The following FAM171A1 variants were observed in gnomAD, a reference collection of about 807,000 sequenced individuals.
FAM171A1 encodes the protein protein FAM171A1.
A neutral mutation model predicts 74.9 loss-of-function variants in FAM171A1; 23 were observed. That is an observed-to-expected ratio of 0.31 (90% confidence interval 0.22 to 0.44). The LOEUF (loss-of-function observed/expected upper bound fraction) is 0.44. FAM171A1 is among the 20% of genes least tolerant of loss of function. FAM171A1 has a pLI of 1.00. For missense variants in FAM171A1, 1,162 were observed against 1,159.2 expected (o/e 1.00, Z -0.03); for synonymous variants, 527 against 505.7 (o/e 1.04, Z -0.57).
In FAM171A1 at chr10:15,254,695, C is replaced by T. The variant is rs1318421465; in HGVS notation, c.577+26G>A. ...AAAGACTAAAACACAGTAACTCCCA[C>T]TGAAAAGAGAAAAGACTCCAATTAC... On this transcript the variant is annotated intron_variant, in intron 4 of 7. Transcript: ENST00000378116. 3.1e-6 allele frequency: 5 copies of T among 1,608,248 alleles called. No homozygotes were observed. The African/African-American group carries it at 6.7e-5, about 22-fold the overall frequency.
chr10:15,343,591 T>A (rs1269612680), intron 1 of FAM171A1, among the ~76,000 whole-genome samples: 2 of 152,144 alleles, frequency 1.3e-5, no homozygotes, highest in African/African-American at 4.8e-5. Flanking sequence ...AATGACTCCA[T>A]TAAGCAAAAG....
intron 1 of FAM171A1, among the ~76,000 whole-genome samples, chr10:15,327,567 C>A (rs1835571021): frequency 6.6e-6 from 1 of 152,156 alleles, no homozygotes; most frequent in African/African-American, 2.4e-5. Flanking sequence ...AGGAGGATCA[C>A]CTGAGACCAG....
At chr10:15,260,978 G>A (rs960480449) in intron 3 of FAM171A1, among the ~76,000 whole-genome samples, 5 of 152,168 alleles carry the variant, frequency 3.3e-5, no homozygotes, top group Non-Finnish European at 5.9e-5. Context: ...TCCCTGCAAC[G>A]GGTCTACGAC....
intron 2 of FAM171A1, 112 bp downstream of exon 2, chr10:15,283,766 G>T: frequency 9.9e-7 from 1 of 1,009,466 alleles, no homozygotes; most frequent in Non-Finnish European, 1.5e-6. Flanking sequence ...AAATTTTTTT[G>T]TAGAGATGCA....
intron 1 of FAM171A1, among the ~76,000 whole-genome samples, chr10:15,359,050 T>C (rs753130455): frequency 2.6e-5 from 4 of 152,164 alleles, no homozygotes; most frequent in Non-Finnish European, 4.4e-5. Flanking sequence ...GATGTGAAGA[T>C]TAAATAAGAT....
intron 1 of FAM171A1, among the ~76,000 whole-genome samples, chr10:15,307,963 T>A (rs541163494): frequency 6.6e-6 from 1 of 152,130 alleles, no homozygotes; most frequent in African/African-American, 2.4e-5. Flanking sequence ...GCCACCATAC[T>A]GGGCTCATTT....
intron 2 of FAM171A1, among the ~76,000 whole-genome samples, chr10:15,280,666 G>A (rs577892468): frequency 2.0e-4 from 31 of 152,334 alleles, no homozygotes; most frequent in African/African-American, 7.0e-4. Flanking sequence ...TCGTAAGAAT[G>A]CTCATGCACA....
In FAM171A1 at chr10:15,263,524, C is replaced by T. The variant is rs563051660; in HGVS notation, c.419-8645G>A. ...TTTGCCAGCGTTTTGTGACACTGAGCGCATTTTCAGATATAGTCTACGTGG... is the reference window on the plus strand; with the variant it reads ...TTTGCCAGCGTTTTGTGACACTGAGTGCATTTTCAGATATAGTCTACGTGG... On this transcript the variant is annotated intron_variant, in intron 3 of 7. Coordinates refer to ENST00000378116, the MANE Select transcript of FAM171A1 (RefSeq NM_001010924.2). 1.4e-4 allele frequency among the ~76,000 whole-genome samples: 22 copies of T among 152,302 alleles called. 1 individual carries two copies. The East Asian group carries it at 3.1e-3, about 21-fold the overall frequency.
At chr10:15,260,985 C>T (rs536692516) in intron 3 of FAM171A1, among the ~76,000 whole-genome samples, 24 of 152,328 alleles carry the variant, frequency 1.6e-4, no homozygotes, top group African/African-American at 4.1e-4. Context: ...AACGGGTCTA[C>T]GACTGCAAAG....
In FAM171A1 at chr10:15,214,205, C is replaced by T. The variant is rs141457982; in HGVS notation, c.1383G>A (p.Val461=). 3.1e-6 allele frequency: 5 copies of T among 1,614,164 alleles called. No individual in the cohort carries two copies. Among genetic ancestry groups the T allele is most frequent in the Admixed American group, 3.3e-5 (2 of 60,026 alleles). Reference sequence around the variant, plus strand: ...TTCTTGCCTTTAAGGGAAAAACCTCCACTGACTTATGGTAGTCTTTCCCCA... The same window carrying T: ...TTCTTGCCTTTAAGGGAAAAACCTCTACTGACTTATGGTAGTCTTTCCCCA... The part of the protein sequence containing the change: ...GTLGKDYHKS[V]EVFPLKARKS... Residue 461 remains valine, a synonymous_variant, in exon 8 of 8, where the codon GTG becomes GTA. Coordinates refer to ENST00000378116, the MANE Select transcript of FAM171A1 (RefSeq NM_001010924.2).
chr10:15,213,376 C>T lies in FAM171A1; in HGVS notation c.2212G>A (p.Ala738Thr). The change falls in exon 8 of 8, where the codon GCC (alanine) becomes ACC (threonine). Residue 738 changes from alanine to threonine, a missense_variant. Transcript: ENST00000378116. This position sits in a 1 kb window ranked among gnomAD's most constrained non-coding sequence, Gnocchi z 6.8. ...ATATCTACGCCAGAGTCCAAACTGGCATCATTACTTCCGTTCCTTCCAGCT... is the reference window on the plus strand; with the variant it reads ...ATATCTACGCCAGAGTCCAAACTGGTATCATTACTTCCGTTCCTTCCAGCT... Reference protein sequence around the residue: ...QRAGRNGSNDASLDSGVDMNE... With the variant: ...QRAGRNGSNDTSLDSGVDMNE... The T allele has an allele frequency of 1.9e-6, 3 of 1,614,176 alleles. No homozygotes were observed. Among genetic ancestry groups the T allele is most frequent in the Non-Finnish European group, 2.5e-6 (3 of 1,180,028 alleles).
intron 1 of FAM171A1, among the ~76,000 whole-genome samples, chr10:15,300,975 G>C (rs543601501): frequency 7.1e-4 from 108 of 152,344 alleles, no homozygotes; most frequent in African/African-American, 2.3e-3. Context: ...GGAAGGAGCT[G>C]ACCATGCCTG....
intron 1 of FAM171A1, among the ~76,000 whole-genome samples, chr10:15,322,849 C>CT (rs1835502883): frequency 2.6e-5 from 4 of 151,976 alleles, no homozygotes; most frequent in Non-Finnish European, 4.4e-5. Context: ...AAAAGTACAC[C>CT]TTTTTTTTGG....
At chr10:15,263,741 GTCTATCTA>G (rs55705228) in intron 3 of FAM171A1, among the ~76,000 whole-genome samples, 2,847 of 140,628 alleles carry the variant, frequency 0.02, 58 homozygotes, top group East Asian at 0.075. Context: ...CTATCTGTCT[GTCTATCTA>G]TCTATCTATC....
intron 6 of FAM171A1, among the ~76,000 whole-genome samples, chr10:15,220,312 A>G (rs939765731): frequency 2.6e-5 from 4 of 152,216 alleles, no homozygotes; most frequent in African/African-American, 9.7e-5. Flanking sequence ...AACAGAAGCT[A>G]TCACTGGAAA....
At position 15,213,695 on chromosome 10, in the gene FAM171A1, T is replaced by G. The variant is rs963132395; in HGVS notation, c.1893A>C (p.Ser631=). Residue 631 remains serine (S), a synonymous_variant, in exon 8 of 8, where the codon TCA becomes TCC. Coordinates refer to ENST00000378116, the MANE Select transcript of FAM171A1 (RefSeq NM_001010924.2). This position sits in a 1 kb window ranked among gnomAD's most constrained non-coding sequence, Gnocchi z 6.8. ...PHAGIFPHPS[S]QIQPQPLSSQ... is the part of the protein sequence containing the mutation. The stretch of plus-strand genomic sequence containing the variant: ...AAGACAGGGGCTGGGGCTGGATCTG[T>G]GAGGACGGGTGTGGGAAGATCCCGG... 3.6e-5 allele frequency: 58 copies of G among 1,612,370 alleles called. No homozygotes were observed. Among genetic ancestry groups the G allele is most frequent in the Non-Finnish European group, 4.5e-5 (53 of 1,179,040 alleles).
intron 5 of FAM171A1, among the ~76,000 whole-genome samples, chr10:15,243,864 T>C (rs867686712): frequency 2.0e-4 from 31 of 152,168 alleles, no homozygotes; most frequent in South Asian, 6.2e-4. Context: ...CATTCTCCTG[T>C]CTCAGCCTCC....
At chr10:15,227,533 C>T (rs929950407) in intron 5 of FAM171A1, among the ~76,000 whole-genome samples, 1 of 152,154 alleles carries the variant, frequency 6.6e-6, no homozygotes, top group Non-Finnish European at 1.5e-5. Flanking sequence ...CAGGCACGTG[C>T]TACCATGCCC....
chr10:15,250,751 C>G (rs1045297108), intron 4 of FAM171A1, among the ~76,000 whole-genome samples: 3 of 152,126 alleles, frequency 2.0e-5, no homozygotes, highest in Non-Finnish European at 2.9e-5. Context: ...CAGAGTGACA[C>G]CCTGTCTCAA....
Sources: gnomAD v4.1 joint callset for allele counts (sites outside exome capture counted in the v4.1 genomes callset) on GRCh38, gnomAD v4.1.1 for gene constraint, Gnocchi (gnomAD v3.1) non-coding constraint, MANE v1.5 for transcripts, NCBI Gene and HGNC (gene_info 2026-07-23, HGNC 2026-07-21) for gene names.